TACR3: variants seen among roughly 807,000 people sequenced by gnomAD.
TACR3 encodes the protein neuromedin-K receptor.
In TACR3, 34 loss-of-function variants were observed where a neutral mutation model predicts 35.0. The ratio of observed to expected loss-of-function variants is 0.97; its 90% CI spans 0.74 to 1.30. The LOEUF is 1.30. TACR3 is among the 50% of genes most tolerant of loss of function. TACR3 has a pLI of 0.00. For missense variants in TACR3, 558 were observed against 591.7 expected (o/e 0.94, Z 0.59); for synonymous variants, 233 against 221.1 (o/e 1.05, Z -0.48).
chr4:103,646,518 T>C (rs751085542), intron 3 of TACR3, among the ~76,000 whole-genome samples: 6 of 152,040 alleles, frequency 3.9e-5, no homozygotes, highest in Non-Finnish European at 7.4e-5. Context: ...TAGTATAATT[T>C]ATTCTCTTTC....
intron 1 of TACR3, among the ~76,000 whole-genome samples, chr4:103,673,257 G>C (rs1428756358): frequency 6.6e-6 from 1 of 152,148 alleles, no homozygotes. Context: ...TTTGGTGCAA[G>C]AGGCCTAGCT....
chr4:103,603,364 C>T (rs904992169), intron 3 of TACR3, among the ~76,000 whole-genome samples: 1 of 152,204 alleles, frequency 6.6e-6, no homozygotes, highest in African/African-American at 2.4e-5. Context: ...TATGCCTCGC[C>T]CTGCTTTGGC....
chr4:103,630,848 A>G (rs544643965), intron 3 of TACR3, among the ~76,000 whole-genome samples: 1 of 152,352 alleles, frequency 6.6e-6, no homozygotes, highest in East Asian at 1.9e-4. Context: ...CCAAAGGATT[A>G]TAAATCATGC....
At chr4:103,664,887 C>T (rs76773393) in intron 1 of TACR3, among the ~76,000 whole-genome samples, 2,189 of 152,058 alleles carry the variant, frequency 0.014, 54 homozygotes, top group African/African-American at 0.051. Flanking sequence ...TCACAGCTCA[C>T]TGAACCTCCA....
chr4:103,602,234 C>T (rs1724224111), intron 3 of TACR3, among the ~76,000 whole-genome samples: 1 of 152,152 alleles, frequency 6.6e-6, no homozygotes, highest in East Asian at 1.9e-4. Context: ...TTTTCAGCTC[C>T]ATCATGTCCT....
chr4:103,629,623 G>A (rs1230003713), intron 3 of TACR3, among the ~76,000 whole-genome samples: 1 of 151,982 alleles, frequency 6.6e-6, no homozygotes, highest in South Asian at 2.1e-4. Flanking sequence ...ACAAACCACT[G>A]CTCAATGAAA....
chr4:103,625,313 A>G (rs1436292812), intron 3 of TACR3, among the ~76,000 whole-genome samples: 1 of 152,174 alleles, frequency 6.6e-6, no homozygotes, highest in African/African-American at 2.4e-5. Context: ...GGTGGGAAGT[A>G]GGTGTTGTGC....
intron 3 of TACR3, among the ~76,000 whole-genome samples, chr4:103,619,346 C>T (rs184314918): frequency 2.5e-4 from 38 of 152,234 alleles, no homozygotes; most frequent in African/African-American, 7.0e-4. Flanking sequence ...CCTGCCACCA[C>T]GCCTGGCTAA....
intron 3 of TACR3, among the ~76,000 whole-genome samples, chr4:103,603,995 C>G (rs926071223): frequency 3.9e-5 from 6 of 152,316 alleles, no homozygotes; most frequent in Non-Finnish European, 4.4e-5. Context: ...AATGCTATCC[C>G]CATCAACTAC....
At position 103,612,258 on chromosome 4, in the gene TACR3, TG is replaced by T. The variant is rs1051202985; in HGVS notation, c.889-20576del. Reference sequence around the variant, plus strand: ...ATTTTCCTACTTCAGGCATTGCTTATGTTGTCTTTCTTGCCTGGAGTGCTCT... The same window carrying T: ...ATTTTCCTACTTCAGGCATTGCTTATTTGTCTTTCTTGCCTGGAGTGCTCT... On this transcript the variant is annotated intron_variant, in intron 3 of 4. Coordinates refer to ENST00000304883, the MANE Select transcript of TACR3 (RefSeq NM_001059.3). Among the ~76,000 whole-genome samples the T allele has an allele frequency of 3.3e-5, 5 of 152,322 alleles. No homozygotes were observed. The East Asian group carries it at 9.6e-4, about 29-fold the overall frequency.
At chr4:103,657,683 T>C (rs1578246220) in intron 2 of TACR3, among the ~76,000 whole-genome samples, 1 of 152,144 alleles carries the variant, frequency 6.6e-6, no homozygotes, top group South Asian at 2.1e-4. Flanking sequence ...GGGTATAAAA[T>C]ATGAACCAAA....
chr4:103,625,134 G>A (rs1724861845), intron 3 of TACR3, among the ~76,000 whole-genome samples: 1 of 152,084 alleles, frequency 6.6e-6, no homozygotes, highest in Admixed American at 6.6e-5. Flanking sequence ...AAAATCCTCA[G>A]TAAATTTACA....
intron 3 of TACR3, among the ~76,000 whole-genome samples, chr4:103,649,706 T>C (rs1033486554): frequency 1.3e-5 from 2 of 152,152 alleles, no homozygotes; most frequent in Admixed American, 1.3e-4. Context: ...TATTTCAATG[T>C]CTTTGCTAAA....
At chr4:103,597,748 C>T (rs1368881688) in intron 3 of TACR3, among the ~76,000 whole-genome samples, 2 of 152,048 alleles carry the variant, frequency 1.3e-5, no homozygotes, top group Non-Finnish European at 2.9e-5. Context: ...TGATGGTTTC[C>T]AGTTTCATCC....
At chr4:103,603,994 C>A (rs1201028652) in intron 3 of TACR3, among the ~76,000 whole-genome samples, 1 of 152,170 alleles carries the variant, frequency 6.6e-6, no homozygotes, top group Non-Finnish European at 1.5e-5. Context: ...CAATGCTATC[C>A]CCATCAACTA....
At chr4:103,607,275 C>G (rs1724397573) in intron 3 of TACR3, among the ~76,000 whole-genome samples, 1 of 151,956 alleles carries the variant, frequency 6.6e-6, no homozygotes, top group African/African-American at 2.4e-5. Flanking sequence ...TCATTTTGTG[C>G]CCCTAGAAAT....
intron 1 of TACR3, among the ~76,000 whole-genome samples, chr4:103,707,951 T>G (rs2110228421): frequency 6.6e-6 from 1 of 152,292 alleles, no homozygotes; most frequent in African/African-American, 2.4e-5. Context: ...GTGAGGCTGC[T>G]GGAGGGGCAC....
chr4:103,685,641 G>A (rs985874990), intron 1 of TACR3, among the ~76,000 whole-genome samples: 2 of 151,990 alleles, frequency 1.3e-5, no homozygotes, highest in Non-Finnish European at 1.5e-5. Context: ...AATATATAAA[G>A]AACTTTAAAC....
rs553947648 is a variant in TACR3, at chr4:103,609,323, C to A, written c.889-17640G>T. On this transcript the variant is annotated intron_variant, in intron 3 of 4. Coordinates refer to ENST00000304883, the MANE Select transcript of TACR3 (RefSeq NM_001059.3). The stretch of plus-strand genomic sequence containing the variant: ...AGTGTGATTTATTTACACCCTAAAG[C>A]AAATATAATTCAAAATATATGTTAT... Among the ~76,000 whole-genome samples, 7 of 152,160 alleles carry A rather than the reference C, an allele frequency of 4.6e-5. 1 individual carries two copies. The East Asian group carries it at 1.4e-3, about 29-fold the overall frequency.
Sources: gnomAD v4.1 joint callset for allele counts (sites outside exome capture counted in the v4.1 genomes callset) on GRCh38, gnomAD v4.1.1 for gene constraint, MANE v1.5 for transcripts, NCBI Gene and HGNC (gene_info 2026-07-23, HGNC 2026-07-21) for gene names.